The following TIMP3 variants were observed in gnomAD, a reference collection of about 807,000 sequenced individuals.
TIMP3 encodes the protein TIMP metallopeptidase inhibitor 3, also known as metalloproteinase inhibitor 3.
In TIMP3, 11 loss-of-function variants were observed where a neutral mutation model predicts 30.0. The observed-to-expected ratio is 0.37, with a 90% CI of 0.23 to 0.61. The LOEUF is 0.61. Among genes scored for constraint, TIMP3 ranks in the 20% least tolerant of loss-of-function variants. The pLI is 0.70. For missense variants in TIMP3, 181 were observed against 276.8 expected (o/e 0.65, Z 2.45); for synonymous variants, 112 against 111.3 (o/e 1.01, Z -0.04).
At chr22:32,852,125 AATAG>A (rs2048235011) in intron 2 of TIMP3, among the ~76,000 whole-genome samples, 1 of 152,352 alleles carries the variant, frequency 6.6e-6, no homozygotes, top group Admixed American at 6.5e-5. Flanking sequence ...AACACTGTAA[AATAG>A]ATAACACCTT....
intron 1 of TIMP3, among the ~76,000 whole-genome samples, chr22:32,808,504 T>A (rs1203029311): frequency 1.3e-5 from 2 of 152,222 alleles, no homozygotes; most frequent in Non-Finnish European, 2.9e-5. Context: ...CCTGTTCTGA[T>A]GAAAGCTCTT....
In TIMP3 at chr22:32,806,690, A is replaced by T. The variant is rs184745433; in HGVS notation, c.121+4568A>T. 1.8e-4 allele frequency among the ~76,000 whole-genome samples: 28 copies of T among 152,314 alleles called. No homozygotes were observed. In the East Asian group the frequency reaches 4.4e-3, roughly 24 times the overall value. ...TGTACCATCTTGGCCTGTTTTATCT[A>T]TATTTTAAAAGCTACAAGTATATGA... is the stretch of plus-strand genomic sequence containing the variant. On this transcript the variant is annotated intron_variant, in intron 1 of 4. Transcript: ENST00000266085.
At position 32,825,527 on chromosome 22, in the gene TIMP3, C is replaced by T. The variant is rs554704459; in HGVS notation, c.121+23405C>T. 4.6e-4 allele frequency among the ~76,000 whole-genome samples: 69 copies of T among 151,458 alleles called. 2 individuals carry two copies. The South Asian group carries it at 0.012, about 27-fold the overall frequency. ...TACAAAAATTAGCTGGGTGTGGTGG[C>T]GGGCGCCTGTAATCCCAGCTACTCG... is the stretch of plus-strand genomic sequence containing the variant. On this transcript the variant is annotated intron_variant, in intron 1 of 4. Transcript: ENST00000266085.
At chr22:32,802,543 C>T (rs866235060) in intron 1 of TIMP3, among the ~76,000 whole-genome samples, 1 of 151,694 alleles carries the variant, frequency 6.6e-6, no homozygotes, top group Admixed American at 6.6e-5. Flanking sequence ...CCGCCATGTG[C>T]ACGGAAAGTT....
chr22:32,817,191 C>A (rs1392361721), intron 1 of TIMP3, among the ~76,000 whole-genome samples: 1 of 151,424 alleles, frequency 6.6e-6, no homozygotes, highest in African/African-American at 2.4e-5. Context: ...GCACTCCAGC[C>A]AGGGTGACAG....
At chr22:32,809,935 T>C (rs1180830604) in intron 1 of TIMP3, among the ~76,000 whole-genome samples, 3 of 152,212 alleles carry the variant, frequency 2.0e-5, no homozygotes, top group African/African-American at 4.8e-5. Context: ...TTTACTGCCA[T>C]TGTCACTTCT....
chr22:32,827,198 CTT>C (rs1253408751), intron 1 of TIMP3, among the ~76,000 whole-genome samples: 18 of 152,210 alleles, frequency 1.2e-4, no homozygotes, highest in Non-Finnish European at 1.6e-4. Flanking sequence ...CAGCGAGTGA[CTT>C]TGCGTGGAGT....
intron 1 of TIMP3, among the ~76,000 whole-genome samples, chr22:32,815,432 A>G (rs745814651): frequency 8.5e-5 from 13 of 152,296 alleles, no homozygotes; most frequent in Non-Finnish European, 1.5e-4. Context: ...CCATTTGATA[A>G]TATTTTAACA....
At chr22:32,846,228 C>A (rs780729655) in intron 1 of TIMP3, among the ~76,000 whole-genome samples, 5 of 152,290 alleles carry the variant, frequency 3.3e-5, no homozygotes, top group South Asian at 4.1e-4. Flanking sequence ...GGGATGGGTA[C>A]ATGTGATAGA....
intron 2 of TIMP3, among the ~76,000 whole-genome samples, chr22:32,849,830 G>T (rs922429636): frequency 6.6e-6 from 1 of 152,234 alleles, no homozygotes; most frequent in Admixed American, 6.5e-5. Context: ...GTAACCATGA[G>T]ACCTTGGTCA....
At chr22:32,819,705 C>T (rs758215196) in intron 1 of TIMP3, among the ~76,000 whole-genome samples, 4 of 152,150 alleles carry the variant, frequency 2.6e-5, no homozygotes, top group South Asian at 2.1e-4. Context: ...CTAGGGGCCG[C>T]GTCTCCCAGC....
chr22:32,819,333 C>T (rs1217136979), intron 1 of TIMP3, among the ~76,000 whole-genome samples: 1 of 152,244 alleles, frequency 6.6e-6, no homozygotes, highest in Non-Finnish European at 1.5e-5. Context: ...GACACGATGC[C>T]TTGCTGGTGA....
chr22:32,802,348 C>T (rs1468644881), intron 1 of TIMP3, among the ~76,000 whole-genome samples: 1 of 152,104 alleles, frequency 6.6e-6, no homozygotes. Flanking sequence ...AGCCCCTGGC[C>T]GCCTTTGCTT....
In TIMP3 at chr22:32,802,007, C is replaced by T. The variant is rs1334343357; in HGVS notation, c.6C>T (p.Thr2=). M[T]PWLGLIVLLG... ...CAGCGGCGGCAGCAGCGGCAATGAC[C>T]CCTTGGCTCGGGCTCATCGTGCTCC... Residue 2 remains threonine (T), a synonymous_variant, in exon 1 of 5, where the codon ACC becomes ACT. Transcript: ENST00000266085. 6 of 1,583,758 alleles carry T rather than the reference C, an allele frequency of 3.8e-6. No individual in the cohort carries two copies. Among genetic ancestry groups the T allele is most frequent in the South Asian group, 1.1e-5 (1 of 87,562 alleles).
At chr22:32,838,769 T>C (rs913059847) in intron 1 of TIMP3, among the ~76,000 whole-genome samples, 1 of 151,972 alleles carries the variant, frequency 6.6e-6, no homozygotes, top group Non-Finnish European at 1.5e-5. Flanking sequence ...GTCTTCGTTA[T>C]TGTATTACCT....
chr22:32,836,188 G>C (rs565145352), intron 1 of TIMP3, among the ~76,000 whole-genome samples: 6 of 152,340 alleles, frequency 3.9e-5, no homozygotes, highest in African/African-American at 1.4e-4. Context: ...TTAAGAGTAA[G>C]ATGTACTGTT....
At chr22:32,816,177 G>C (rs966816558) in intron 1 of TIMP3, among the ~76,000 whole-genome samples, 1 of 152,112 alleles carries the variant, frequency 6.6e-6, no homozygotes, top group African/African-American at 2.4e-5. Flanking sequence ...CAGTGTACCA[G>C]GTTGGAAAGT....
chr22:32,820,122 C>G (rs1481025875), intron 1 of TIMP3, among the ~76,000 whole-genome samples: 1 of 151,900 alleles, frequency 6.6e-6, no homozygotes, highest in East Asian at 1.9e-4. Flanking sequence ...CCTGGCTCAG[C>G]AGAGTCAGCC....
At chr22:32,814,139 TGTGAGA>T (rs1432240364) in intron 1 of TIMP3, among the ~76,000 whole-genome samples, 4 of 90,552 alleles carry the variant, frequency 4.4e-5, no homozygotes, top group South Asian at 3.7e-4. Flanking sequence ...TGTGTGTGTG[TGTGAGA>T]GAGAGAGAGA....
Sources: gnomAD v4.1 joint callset for allele counts (sites outside exome capture counted in the v4.1 genomes callset) on GRCh38, gnomAD v4.1.1 for gene constraint, MANE v1.5 for transcripts, NCBI Gene and HGNC (gene_info 2026-07-23, HGNC 2026-07-21) for gene names.